Variants in SECISBP2 observed in about 807,000 individuals in gnomAD.
SECISBP2 encodes the protein selenocysteine insertion sequence-binding protein 2.
SECISBP2 carries 96 observed loss-of-function variants against 98.2 expected under a neutral mutation model. The observed-to-expected ratio is 0.98, with a 90% CI of 0.83 to 1.16. SECISBP2 has a LOEUF of 1.16. Among genes scored for constraint, SECISBP2 ranks in the 50% most tolerant of loss-of-function variants. The probability of loss-of-function intolerance (pLI) is 0.00; values close to 1 mark genes in which losing one functional copy is unlikely to be tolerated. For synonymous variants in SECISBP2, 407 were observed against 370.2 expected (o/e 1.10, Z -1.14); for missense variants, 1,046 against 1,022.9 (o/e 1.02, Z -0.31).
chr9:89,340,044 T>G (rs1355298171), intron 9 of SECISBP2, 91 bp downstream of exon 9: 1 of 892,880 alleles, frequency 1.1e-6, no homozygotes, highest in Non-Finnish European at 1.8e-6. Context: ...CAGACATTTC[T>G]GTATGGTGAC....
rs1474500915 is a variant in SECISBP2 at position 89,355,097 on chromosome 9, TCTC to T, written c.2114-2311_2114-2309del. ...TAAGGGCTGTGGGTTTAGAAATTAA[TCTC>T]CTATCCAACTAGATGCAGAATGAGT... is the stretch of plus-strand genomic sequence containing the variant. On this transcript the variant is annotated intron_variant, in intron 14 of 16. Transcript: ENST00000375807. 5 of 985,228 alleles carry T rather than the reference TCTC, an allele frequency of 5.1e-6. No individual in the cohort carries two copies. In the Admixed American group the frequency reaches 2.5e-4, roughly 48 times the overall value. 61.0% of individuals were successfully genotyped at this position (985,228 alleles called of 1,614,324 possible). A position where few individuals can be genotyped will look rare whatever the true frequency, so the allele number is the denominator to read the frequency against.
rs1189960784 is a variant in SECISBP2, at chr9:89,341,385, A to G, written c.1341A>G (p.Pro447=). ...ATAATGTAAAGAAGAGCCAGCTTCCAGTGCAGTTGGACTTGGGGGGCATGC... is the reference window on the plus strand; with the variant it reads ...ATAATGTAAAGAAGAGCCAGCTTCCGGTGCAGTTGGACTTGGGGGGCATGC... ...FKNNVKKSQL[P]VQLDLGGMLT... Residue 447 remains proline, a synonymous_variant, in exon 10 of 17, where the codon CCA becomes CCG. Transcript: ENST00000375807. 8 of 1,613,834 alleles carry G rather than the reference A, an allele frequency of 5.0e-6. No individual in the cohort carries two copies. The highest frequency in any genetic ancestry group is 1.7e-5 in the Admixed American group (1 of 60,002).
chr9:89,357,933 T>G lies in SECISBP2; in HGVS notation c.2269-66T>G, dbSNP rs939301698. 6.4e-6 allele frequency: 10 copies of G among 1,561,842 alleles called. No homozygotes were observed. In the African/African-American group the frequency reaches 1.4e-4, roughly 21 times the overall value. On this transcript the variant is annotated intron_variant, in intron 15 of 16. Coordinates refer to ENST00000375807, the MANE Select transcript of SECISBP2 (RefSeq NM_024077.5). The stretch of plus-strand genomic sequence containing the variant: ...GCTTCTCTGTGGAGGTGGCCATTGC[T>G]GAGTTTGAGGGACCCGTGTCCTCTG...
At chr9:89,364,136 T>C, downstream of SECISBP2, 1 of 1,265,948 alleles carries the variant, frequency 7.9e-7, no homozygotes, top group Non-Finnish European at 1.1e-6. Context: ...AGCCTTGGCC[T>C]TGGCCCGTCC....
chr9:89,318,872 C>A (rs1010512735), intron 1 of SECISBP2: 5 of 1,253,402 alleles, frequency 4.0e-6, no homozygotes, highest in Non-Finnish European at 4.0e-6. Flanking sequence ...TGACTGCGGC[C>A]CAGCCCGGCG....
chr9:89,334,058 G>A, intron 6 of SECISBP2: 1 of 1,098,786 alleles, frequency 9.1e-7, no homozygotes, highest in Non-Finnish European at 1.1e-6. Flanking sequence ...TAGTGTTGCT[G>A]TACTTATGCC....
chr9:89,343,070 A>G (rs181590937), intron 10 of SECISBP2, among the ~76,000 whole-genome samples: 5 of 152,314 alleles, frequency 3.3e-5, no homozygotes, highest in African/African-American at 7.2e-5. Context: ...GAGTTTCTGA[A>G]GATCTTTACT....
At chr9:89,329,219 TCTC>T (rs924114481) in intron 5 of SECISBP2, 31 of 292,734 alleles carry the variant, frequency 1.1e-4, no homozygotes, top group Middle Eastern at 1.1e-3. Context: ...TTCAAGCAAT[TCTC>T]CTGCCTCAGC....
downstream of SECISBP2, chr9:89,362,080 C>A (rs111907314): frequency 1.3e-5 from 7 of 527,464 alleles, no homozygotes; most frequent in Middle Eastern, 5.0e-4. Flanking sequence ...CCTGCACACA[C>A]CCTGCTGTTT....
intron 5 of SECISBP2, chr9:89,330,263 A>G (rs949287529): frequency 1.3e-5 from 2 of 152,200 alleles, no homozygotes; most frequent in African/African-American, 4.8e-5. Context: ...ACTTTGTTCA[A>G]CATTTGATCT....
At chr9:89,319,869 C>T in intron 2 of SECISBP2, 72 bp downstream of exon 2, 1 of 1,518,040 alleles carries the variant, frequency 6.6e-7, no homozygotes, top group Non-Finnish European at 9.1e-7. Context: ...CTTTCAAATA[C>T]TCAGCAGTTA....
Position 89,358,152 on chromosome 9 carries a change from G to C in SECISBP2, c.2422G>C (p.Gly808Arg), listed in dbSNP as rs941525283. ...TQGPSCPAEDGPPALKEKEEP... is the reference protein window; with the variant it reads ...TQGPSCPAEDRPPALKEKEEP... ...GGGCCCCAGCTGCCCTGCAGAAGAT[G>C]GCCCCCCAGCCCTGAAAGAAAAAGA... Residue 808 changes from glycine to arginine, a missense_variant, in exon 16 of 17, where the codon GGC becomes CGC. Gly to Arg is a moderately radical substitution (Grantham distance 125). Coordinates refer to ENST00000375807, the MANE Select transcript of SECISBP2 (RefSeq NM_024077.5). 1.2e-6 allele frequency: 2 copies of C among 1,613,576 alleles called. No individual in the cohort carries two copies. The highest frequency in any genetic ancestry group is 8.5e-7 in the Non-Finnish European group (1 of 1,179,888).
At chr9:89,337,073 C>G (rs968253815) in intron 7 of SECISBP2, among the ~76,000 whole-genome samples, 1 of 152,114 alleles carries the variant, frequency 6.6e-6, no homozygotes, top group Non-Finnish European at 1.5e-5. Context: ...TGCACCTGGC[C>G]CCCCACTGTC....
chr9:89,346,822 C>G, intron 10 of SECISBP2, 60 bp from the exon 11 acceptor site: 1 of 1,608,516 alleles, frequency 6.2e-7, no homozygotes, highest in Non-Finnish European at 8.5e-7. Flanking sequence ...AGCTGCGATC[C>G]AAGAGCTGGG....
chr9:89,321,173 G>C (rs1219189995), intron 2 of SECISBP2, among the ~76,000 whole-genome samples: 1 of 152,216 alleles, frequency 6.6e-6, no homozygotes, highest in Non-Finnish European at 1.5e-5. Flanking sequence ...TCTCACTTGA[G>C]TTGTTCCCTA....
At chr9:89,352,045 C>T (rs80131967) in intron 14 of SECISBP2, among the ~76,000 whole-genome samples, 10,006 of 152,264 alleles carry the variant, frequency 0.066, 461 homozygotes, top group Middle Eastern at 0.12. Flanking sequence ...TTGTGAGCAA[C>T]TGCTTCACAT....
rs746510992 is a variant in SECISBP2 at position 89,319,711 on chromosome 9, G to A, written c.96G>A (p.Val32=). ...TCCCCAGATTTGCCGGGCTCAATGT[G>A]GCATGGTTAGAGTCCTCAGAAGCAT... ...PFVPRFAGLN[V]AWLESSEACV... Residue 32 remains valine (V), a synonymous_variant, in exon 2 of 17, where the codon GTG becomes GTA. Coordinates refer to ENST00000375807, the MANE Select transcript of SECISBP2 (RefSeq NM_024077.5). 23 of 1,614,026 alleles carry A rather than the reference G, an allele frequency of 1.4e-5. No individual in the cohort carries two copies. Among genetic ancestry groups the A allele is most frequent in the Non-Finnish European group, 1.9e-5 (23 of 1,180,002 alleles).
chr9:89,338,488 CA>C lies in SECISBP2; in HGVS notation c.1124del (p.Asn375MetfsTer21). ...SKASQGSDLEQNEASRKNKKK... is the reference protein window; with the variant it reads ...SKASQGSDLEXNEASRKNKKK... ...AGCATCACAAGGTAGTGACCTTGAA[CA>C]AAATGAAGCCTCAAGAAAGAATAAG... On this transcript the variant is annotated frameshift_variant, in exon 8 of 17. Coordinates refer to ENST00000375807, the MANE Select transcript of SECISBP2 (RefSeq NM_024077.5). LOFTEE classifies it high-confidence loss of function. 1 of 1,613,392 alleles carries C rather than the reference CA, an allele frequency of 6.2e-7. No homozygotes were observed.
At chr9:89,343,639 A>G (rs1030557632) in intron 10 of SECISBP2, among the ~76,000 whole-genome samples, 3 of 151,858 alleles carry the variant, frequency 2.0e-5, no homozygotes, top group East Asian at 1.9e-4. Context: ...ATGGCCTCCA[A>G]CTCCATCCAC....
Sources: gnomAD v4.1 joint callset for allele counts (sites outside exome capture counted in the v4.1 genomes callset) on GRCh38, gnomAD v4.1.1 for gene constraint, MANE v1.5 for transcripts, NCBI Gene and HGNC (gene_info 2026-07-23, HGNC 2026-07-21) for gene names.